KIDINS220: variants seen among roughly 807,000 people sequenced by gnomAD.
KIDINS220 encodes kinase D-interacting substrate of 220 kDa.
A neutral mutation model predicts 157.6 loss-of-function variants in KIDINS220; 63 were observed. The ratio of observed to expected loss-of-function variants is 0.40; its 90% CI spans 0.33 to 0.49. KIDINS220 has a LOEUF of 0.49. KIDINS220 is among the 20% of genes least tolerant of loss of function. The pLI, the probability that KIDINS220 is intolerant of heterozygous loss-of-function variation, is 0.66. For synonymous variants in KIDINS220, 732 were observed against 783.6 expected (o/e 0.93, Z 1.10); for missense variants, 1,772 against 2,171.2 (o/e 0.82, Z 3.65).
At position 8,733,460 on chromosome 2, in the gene KIDINS220, C is replaced by A; in HGVS notation, c.4037G>T (p.Ser1346Ile). Residue 1346 changes from serine (S) to isoleucine (I), a missense_variant, in exon 29 of 30, where the codon AGT becomes ATT. By Grantham distance (142) the Ser-to-Ile change is moderately radical (BLOSUM62 -2). This residue lies in a region of KIDINS220 where 793 missense variants were observed against 885.5 expected (regional missense o/e 0.90). Coordinates refer to ENST00000256707, the MANE Select transcript of KIDINS220 (RefSeq NM_020738.4). ...LGLDEGAPRHSNLSWQSQTRR... is the reference protein window; with the variant it reads ...LGLDEGAPRHINLSWQSQTRR... ...AATAAATACCTGCCAACTTAGATTA[C>A]TGTGACGAGGGGCACCTTCATCCAG... is the stretch of plus-strand genomic sequence containing the variant. 1 of 1,613,616 alleles carries A rather than the reference C, an allele frequency of 6.2e-7. No individual in the cohort carries two copies.
chr2:8,770,844 T>C lies in KIDINS220; in HGVS notation c.2849-12A>G. The C allele has an allele frequency of 6.4e-7, 1 of 1,553,684 alleles. No individual in the cohort carries two copies. The highest frequency in any genetic ancestry group is 8.8e-7 in the Non-Finnish European group (1 of 1,141,456). ...TCTCAGTAATCGTCCTTTTAAAAAA[T>C]ACAAAAGCATTTAAAAATTAATAGA... On this transcript the variant is annotated splice_polypyrimidine_tract_variant and intron_variant, in intron 21 of 29. Coordinates refer to ENST00000256707, the MANE Select transcript of KIDINS220 (RefSeq NM_020738.4).
At chr2:8,768,815 AAT>A (rs1163902292) in intron 22 of KIDINS220, among the ~76,000 whole-genome samples, 1 of 152,042 alleles carries the variant, frequency 6.6e-6, no homozygotes, top group Admixed American at 6.6e-5. Context: ...CTGGCTTTCC[AAT>A]ATGTTAATCA....
rs1173583238 is a variant in KIDINS220, at chr2:8,785,862, G to A, written c.2108C>T (p.Ala703Val). 3 of 1,614,062 alleles carry A rather than the reference G, an allele frequency of 1.9e-6. No homozygotes were observed. The highest frequency in any genetic ancestry group is 3.3e-5 in the Admixed American group (2 of 59,998). ...CCATGTACGACAGTTCAACACAAAG[G>A]CCAATCCCACTACAGATGCGATTGA... ...LISIASVVGL[A>V]FVLNCRTWWQ... Residue 703 changes from alanine to valine, a missense_variant, in exon 17 of 30, where the codon GCC (alanine) becomes GTC (valine). By Grantham distance (64) the Ala-to-Val change is moderately conservative (BLOSUM62 0). Transcript: ENST00000256707.
intron 6 of KIDINS220, among the ~76,000 whole-genome samples, chr2:8,809,439 C>A (rs957561618): frequency 2.6e-5 from 4 of 151,990 alleles, no homozygotes; most frequent in African/African-American, 7.2e-5. Flanking sequence ...TTTGATGCTA[C>A]AATAGCCAAG....
Position 8,813,447 on chromosome 2 carries a change from GA to G in KIDINS220, c.307-113del, listed in dbSNP as rs1238927687. 9.4e-6 allele frequency: 7 copies of G among 742,878 alleles called. No individual in the cohort carries two copies. The East Asian group carries it at 1.9e-4, about 20-fold the overall frequency. The allele number at this position is 742,878 out of a possible 1,614,324, so 46.0% of individuals were successfully genotyped here. A position where few individuals can be genotyped will look rare whatever the true frequency, so the allele number is the denominator to read the frequency against. On this transcript the variant is annotated intron_variant, in intron 4 of 29. Transcript: ENST00000256707. ...ATATCTTTATAAATCATTGTTTCAT[GA>G]TGGTAGTATTATATAGTTCTAAATT...
In KIDINS220 at chr2:8,779,066, A is replaced by G; in HGVS notation, c.2444T>C (p.Ile815Thr). ...ASDPHIIIKA[I>T]NQNLNSVLRD... ...AAGCACACTATTGAGGTTCTGGTTAATTGCCTTTATGATAATATGTGGATC... is the reference window on the plus strand; with the variant it reads ...AAGCACACTATTGAGGTTCTGGTTAGTTGCCTTTATGATAATATGTGGATC... The change falls in exon 19 of 30, where the codon ATT becomes ACT. Residue 815 changes from isoleucine to threonine, a missense_variant. By Grantham distance (89) the Ile-to-Thr change is moderately conservative (BLOSUM62 -1). Transcript: ENST00000256707. The G allele has an allele frequency of 6.2e-7, 1 of 1,614,134 alleles. No homozygotes were observed. The highest frequency in any genetic ancestry group is 8.5e-7 in the Non-Finnish European group (1 of 1,180,028).
chr2:8,724,928 G>A (rs1663181129), downstream of KIDINS220: 1 of 152,232 alleles, frequency 6.6e-6, no homozygotes, highest in Non-Finnish European at 1.5e-5. This position sits in a 1 kb window ranked among gnomAD's most constrained non-coding sequence, Gnocchi z 4.6. Flanking sequence ...CACGGCACCT[G>A]GCCAACAAGT....
chr2:8,769,603 G>A (rs953096808), intron 22 of KIDINS220, among the ~76,000 whole-genome samples: 2 of 152,114 alleles, frequency 1.3e-5, no homozygotes, highest in African/African-American at 4.8e-5. Flanking sequence ...GAATTATTAC[G>A]AGGCACTTAA....
At chr2:8,741,001 T>A (rs1354810032) in intron 26 of KIDINS220, among the ~76,000 whole-genome samples, 1 of 152,216 alleles carries the variant, frequency 6.6e-6, no homozygotes, top group Admixed American at 6.5e-5. Flanking sequence ...ATATTCAATA[T>A]CTGGGGCACT....
chr2:8,758,817 G>A (rs564625761), intron 22 of KIDINS220, among the ~76,000 whole-genome samples: 1 of 152,144 alleles, frequency 6.6e-6, no homozygotes, highest in Admixed American at 6.5e-5. Context: ...TACCATGTTG[G>A]AAAGAACATT....
Position 8,812,440 on chromosome 2 carries a change from A to G in KIDINS220, c.459T>C (p.Val153=), listed in dbSNP as rs1426573731. ...TAGCACCATTTTGCAGTAAAAGATG[A>G]ACTATATCTGCATGGCCTCTCCCTG... is the stretch of plus-strand genomic sequence containing the variant. ...WAAGRGHADI[V]HLLLQNGAKV... The change falls in exon 6 of 30, where the codon GTT becomes GTC. Residue 153 remains valine (V), a synonymous_variant. Transcript: ENST00000256707. The G allele has an allele frequency of 8.1e-6, 13 of 1,599,274 alleles. No individual in the cohort carries two copies. The highest frequency in any genetic ancestry group is 6.7e-5 in the African/African-American group (5 of 74,108).
intron 22 of KIDINS220, among the ~76,000 whole-genome samples, chr2:8,752,495 G>A (rs1399666838): frequency 6.6e-6 from 1 of 152,140 alleles, no homozygotes; most frequent in African/African-American, 2.4e-5. Context: ...GGTCACCTAA[G>A]CTGGCTAAGG....
intron 22 of KIDINS220, among the ~76,000 whole-genome samples, chr2:8,761,101 C>T (rs1668689054): frequency 6.6e-6 from 1 of 152,134 alleles, no homozygotes; most frequent in African/African-American, 2.4e-5. Context: ...GACAAAAGTA[C>T]ATGAGATCAA....
In KIDINS220 at chr2:8,786,422, G is replaced by A. The variant is rs1449410850; in HGVS notation, c.1788-65C>T. On this transcript the variant is annotated intron_variant, in intron 15 of 29. Coordinates refer to ENST00000256707, the MANE Select transcript of KIDINS220 (RefSeq NM_020738.4). ...AAAGTAACAAATAACTTCAATGTAT[G>A]TCATCTTTGCATCACTTACCCTTTA... 3.2e-6 allele frequency: 4 copies of A among 1,262,382 alleles called. No individual in the cohort carries two copies. In the South Asian group the frequency reaches 5.1e-5, roughly 16 times the overall value. The allele number at this position is 1,262,382 out of a possible 1,614,324, so 78.2% of individuals were successfully genotyped here. A position where few individuals can be genotyped will look rare whatever the true frequency, so the allele number is the denominator to read the frequency against.
intron 20 of KIDINS220, among the ~76,000 whole-genome samples, chr2:8,778,151 A>G (rs756964582): frequency 2.6e-5 from 4 of 152,188 alleles, no homozygotes; most frequent in Non-Finnish European, 5.9e-5. Context: ...GGGACAACCA[A>G]TGTTTTGGAG....
intron 26 of KIDINS220, among the ~76,000 whole-genome samples, chr2:8,742,053 T>C (rs1355477621): frequency 5.9e-5 from 9 of 152,176 alleles, no homozygotes; most frequent in Non-Finnish European, 1.3e-4. Context: ...TGTCCACGTC[T>C]TCTCCTGAAC....
chr2:8,798,357 T>C, intron 9 of KIDINS220, 57 bp from the exon 10 acceptor site: 1 of 914,734 alleles, frequency 1.1e-6, no homozygotes, highest in Non-Finnish European at 1.8e-6. Flanking sequence ...TTAAAACTGC[T>C]ACTTATAAAT....
intron 20 of KIDINS220, among the ~76,000 whole-genome samples, chr2:8,777,840 T>C (rs1671172827): frequency 6.6e-6 from 1 of 152,162 alleles, no homozygotes; most frequent in African/African-American, 2.4e-5. Context: ...AATGGTAAGT[T>C]ATATGCGCCT....
At chr2:8,801,648 T>C (rs1267152812) in intron 8 of KIDINS220, among the ~76,000 whole-genome samples, 10 of 152,234 alleles carry the variant, frequency 6.6e-5, no homozygotes, top group Non-Finnish European at 1.5e-4. Context: ...CTTATGCCTG[T>C]AATCTCACCA....
Sources: gnomAD v4.1 joint callset for allele counts (sites outside exome capture counted in the v4.1 genomes callset) on GRCh38, gnomAD v4.1.1 for gene constraint, gnomAD v4.1.1 regional missense constraint, Gnocchi (gnomAD v3.1) non-coding constraint, MANE v1.5 for transcripts, NCBI Gene and HGNC (gene_info 2026-07-23, HGNC 2026-07-21) for gene names.